TBC1D22A: variants seen among roughly 807,000 people sequenced by gnomAD.
TBC1D22A encodes putative GTPase activator.
TBC1D22A carries 38 observed loss-of-function variants against 60.2 expected under a neutral mutation model. The observed-to-expected ratio is 0.63, with a 90% confidence interval of 0.49 to 0.83. The LOEUF is 0.83. Ranked by LOEUF, TBC1D22A falls within the 40% of genes least tolerant of loss-of-function variation. TBC1D22A has a pLI of 0.00. For missense variants in TBC1D22A, 628 were observed against 701.0 expected, an observed-to-expected ratio of 0.90 and a Z score of 1.18; for synonymous variants, 302 against 281.7, an observed-to-expected ratio of 1.07 and a Z score of -0.72.
intron 4 of TBC1D22A, among the ~76,000 whole-genome samples, chr22:46,876,554 A>C (rs1389565420): frequency 1.3e-5 from 2 of 152,070 alleles, no homozygotes; most frequent in Admixed American, 1.3e-4. Context: ...TTGGGTGCAG[A>C]TGGTTGCAGC....
chr22:46,975,032 G>A (rs2074240958), intron 9 of TBC1D22A, among the ~76,000 whole-genome samples: 1 of 152,204 alleles, frequency 6.6e-6, no homozygotes, highest in Admixed American at 6.5e-5. Context: ...TTCCCACACA[G>A]TACCTGGGAA....
intron 6 of TBC1D22A, among the ~76,000 whole-genome samples, chr22:46,892,390 G>T (rs1281108830): frequency 6.6e-6 from 1 of 152,148 alleles, no homozygotes; most frequent in Admixed American, 6.5e-5. Context: ...CTTCAAAGAC[G>T]GATGGGACAC....
Position 47,028,714 on chromosome 22 carries a change from G to A in TBC1D22A, c.1202-8357G>A, listed in dbSNP as rs131947. Among the ~76,000 whole-genome samples the A allele has an allele frequency of 6.6e-6, 1 of 152,240 alleles. No individual in the cohort carries two copies. Among genetic ancestry groups the A allele is most frequent in the South Asian group, 2.1e-4 (1 of 4,836 alleles). ...GAAGACAGCAGTTGTGTGACACGAC[G>A]TTGACATTAAATGAACGGTGGAGAA... is the stretch of plus-strand genomic sequence containing the variant. On this transcript the variant is annotated intron_variant, in intron 10 of 12. Coordinates refer to ENST00000337137, the MANE Select transcript of TBC1D22A (RefSeq NM_014346.5). The surrounding 1 kb of genome is among the most constrained non-coding windows in gnomAD (Gnocchi z 4.4).
intron 11 of TBC1D22A, among the ~76,000 whole-genome samples, chr22:47,048,929 G>A (rs140540): frequency 1.3e-5 from 2 of 151,882 alleles, no homozygotes; most frequent in Non-Finnish European, 2.9e-5. Context: ...CTGGTGTAGC[G>A]TGGTAATGAC....
chr22:46,884,519 T>A (rs1184090522), intron 5 of TBC1D22A, among the ~76,000 whole-genome samples: 2 of 152,024 alleles, frequency 1.3e-5, no homozygotes, highest in African/African-American at 4.8e-5. Flanking sequence ...AGGGTGCTCT[T>A]GTGGAAAGGC....
chr22:46,896,485 G>T (rs541619586), intron 7 of TBC1D22A, among the ~76,000 whole-genome samples: 1 of 152,170 alleles, frequency 6.6e-6, no homozygotes, highest in South Asian at 2.1e-4. Flanking sequence ...TCACGCCTCT[G>T]TGTTCAGTTC....
At chr22:47,164,113 C>T (rs899972511) in intron 12 of TBC1D22A, among the ~76,000 whole-genome samples, 6 of 152,242 alleles carry the variant, frequency 3.9e-5, no homozygotes, top group African/African-American at 1.2e-4. Context: ...CCGAGGCCTC[C>T]GTGGGCTGCG....
At chr22:46,872,698 A>C (rs190327743) in intron 4 of TBC1D22A, among the ~76,000 whole-genome samples, 21 of 152,356 alleles carry the variant, frequency 1.4e-4, no homozygotes, top group Admixed American at 1.3e-3. Flanking sequence ...GGAATTAGGA[A>C]AGAGTTTTGA....
chr22:46,855,505 G>T (rs2085458475), intron 4 of TBC1D22A, among the ~76,000 whole-genome samples: 1 of 152,214 alleles, frequency 6.6e-6, no homozygotes, highest in Non-Finnish European at 1.5e-5. Flanking sequence ...TACAGCTCTT[G>T]CTGGCATGAA....
At chr22:47,075,235 A>AAAAAAAAAAAAAAAAG (rs1319779491) in intron 11 of TBC1D22A, among the ~76,000 whole-genome samples, 2 of 151,468 alleles carry the variant, frequency 1.3e-5, no homozygotes, top group African/African-American at 4.9e-5. Flanking sequence ...AAAAAAAAAA[A>AAAAAAAAAAAAAAAAG]AGAGAACCAA....
In TBC1D22A at chr22:46,788,645, T is replaced by G. The variant is rs1461767649; in HGVS notation, c.63-3875T>G. 2.0e-5 allele frequency among the ~76,000 whole-genome samples: 3 copies of G among 152,316 alleles called. No individual in the cohort carries two copies. In the East Asian group the frequency reaches 5.8e-4, roughly 29 times the overall value. On this transcript the variant is annotated intron_variant, in intron 1 of 12. Transcript: ENST00000337137. ...CCCAGGACAGTGCCTGCCTCGTAGG[T>G]CCTTCCTGGTTGAGAGGAGGGATCA...
chr22:47,145,243 C>G (rs1328423290), intron 12 of TBC1D22A, among the ~76,000 whole-genome samples: 6 of 152,186 alleles, frequency 3.9e-5, no homozygotes, highest in African/African-American at 1.4e-4. Context: ...GTGCTGGTTC[C>G]TCTGTGGAGA....
intron 8 of TBC1D22A, among the ~76,000 whole-genome samples, chr22:46,954,650 G>A (rs1372993786): frequency 6.7e-6 from 1 of 149,136 alleles, no homozygotes; most frequent in Non-Finnish European, 1.5e-5. Flanking sequence ...GGACAAAACA[G>A]CCACCGAACG....
intron 4 of TBC1D22A, among the ~76,000 whole-genome samples, chr22:46,867,929 G>A (rs891207053): frequency 6.6e-6 from 1 of 152,180 alleles, no homozygotes; most frequent in Non-Finnish European, 1.5e-5. Flanking sequence ...AGCTGCTTCT[G>A]ATGTTTCTTC....
intron 8 of TBC1D22A, among the ~76,000 whole-genome samples, chr22:46,932,046 C>T (rs934844633): frequency 1.3e-5 from 2 of 152,178 alleles, no homozygotes; most frequent in Admixed American, 6.5e-5. Context: ...TCTGATGTTA[C>T]GCGGTTTCTT....
intron 7 of TBC1D22A, among the ~76,000 whole-genome samples, chr22:46,907,277 C>G (rs1460976782): frequency 2.6e-5 from 4 of 152,252 alleles, no homozygotes; most frequent in Non-Finnish European, 5.9e-5. Flanking sequence ...CCAAGTGCTT[C>G]TATCTTCCCT....
intron 11 of TBC1D22A, among the ~76,000 whole-genome samples, chr22:47,039,064 A>G (rs1476069670): frequency 1.3e-5 from 2 of 152,166 alleles, no homozygotes; most frequent in East Asian, 3.9e-4. Flanking sequence ...ATTACGAATA[A>G]ATTAGGTATT....
At chr22:47,023,840 T>C (rs2062167612) in intron 10 of TBC1D22A, among the ~76,000 whole-genome samples, 1 of 152,150 alleles carries the variant, frequency 6.6e-6, no homozygotes, top group Non-Finnish European at 1.5e-5. Flanking sequence ...TGACAAGCAA[T>C]AGGTAAACTT....
At chr22:47,146,279 G>T (rs981137988) in intron 12 of TBC1D22A, among the ~76,000 whole-genome samples, 1 of 152,182 alleles carries the variant, frequency 6.6e-6, no homozygotes, top group African/African-American at 2.4e-5. Flanking sequence ...CTCCAAACCC[G>T]TTCACGCTAG....
Sources: allele counts gnomAD v4.1 joint callset (sites outside exome capture counted in the v4.1 genomes callset), GRCh38; gene constraint gnomAD v4.1.1; non-coding constraint Gnocchi (gnomAD v3.1); transcripts MANE v1.5; gene names NCBI Gene and HGNC (gene_info 2026-07-23, HGNC 2026-07-21).